GALC: variants seen among roughly 807,000 people sequenced by gnomAD.
The protein encoded by GALC is galactosylceramidase.
In GALC, 77 loss-of-function variants were observed where a neutral mutation model predicts 91.8. The ratio of observed to expected loss-of-function variants is 0.84; its 90% CI spans 0.70 to 1.01. The LOEUF (loss-of-function observed/expected upper bound fraction) is 1.01. Ranked by LOEUF, GALC falls within the 50% of genes least tolerant of loss-of-function variation. The probability of loss-of-function intolerance (pLI) is 0.00; values close to 1 mark genes in which losing one functional copy is unlikely to be tolerated. For missense variants in GALC, 882 were observed against 855.9 expected (o/e 1.03, Z -0.38); for synonymous variants, 357 against 306.7 (o/e 1.16, Z -1.71).
At chr14:87,985,707 T>A (rs999570510) in intron 4 of GALC, among the ~76,000 whole-genome samples, 1 of 152,252 alleles carries the variant, frequency 6.6e-6, no homozygotes, top group Non-Finnish European at 1.5e-5. Flanking sequence ...TAATTTCATT[T>A]AACTTAGTTT....
At chr14:87,938,078 A>G (rs996491940) in intron 16 of GALC, among the ~76,000 whole-genome samples, 2 of 152,002 alleles carry the variant, frequency 1.3e-5, no homozygotes, top group African/African-American at 4.8e-5. Context: ...AAAAGAAACA[A>G]TGAGGAAGTT....
intron 10 of GALC, among the ~76,000 whole-genome samples, chr14:87,958,893 A>G (rs1002517719): frequency 1.3e-5 from 2 of 151,976 alleles, no homozygotes; most frequent in African/African-American, 4.8e-5. Context: ...ATAAAACTAG[A>G]AAAAAAACAA....
chr14:87,940,272 G>C (rs1398738953), intron 15 of GALC, among the ~76,000 whole-genome samples: 1 of 151,930 alleles, frequency 6.6e-6, no homozygotes, highest in East Asian at 1.9e-4. Context: ...TGAGGTGTTA[G>C]CATCTGTAGT....
At chr14:87,988,355 T>A in intron 2 of GALC, 100 bp downstream of exon 2, 1 of 1,280,516 alleles carries the variant, frequency 7.8e-7, no homozygotes, top group Non-Finnish European at 1.1e-6. Flanking sequence ...TGCCATTTTT[T>A]CAAAAACTAG....
Position 87,988,210 on chromosome 14 carries a change from G to A in GALC, c.265-3C>T. ...TGCAAAGAGGCACCAAAATTCGGCT[G>A]TGAAAAGAAGTAACAGTATTAACAT... On this transcript the variant is annotated splice_polypyrimidine_tract_variant and splice_region_variant and intron_variant, in intron 2 of 16. Coordinates refer to ENST00000261304, the MANE Select transcript of GALC (RefSeq NM_000153.4). 1.2e-6 allele frequency: 2 copies of A among 1,612,360 alleles called. No homozygotes were observed. Among genetic ancestry groups the A allele is most frequent in the Non-Finnish European group, 1.7e-6 (2 of 1,178,698 alleles).
In GALC at chr14:87,965,371, C is replaced by A. The variant is rs111872618; in HGVS notation, c.1033+134G>T. Reference sequence around the variant, plus strand: ...CCAAAATATTCTTATAAAACACTGGCAAATCTTGCTTAAAACTTAAATCTA... The same window carrying A: ...CCAAAATATTCTTATAAAACACTGGAAAATCTTGCTTAAAACTTAAATCTA... On this transcript the variant is annotated intron_variant, in intron 9 of 16. Transcript: ENST00000261304. The A allele has an allele frequency of 7.7e-4, 729 of 949,644 alleles. 1 individual carries two copies. The African/African-American group carries it at 0.011, about 14-fold the overall frequency. The allele number at this position is 949,644 out of a possible 1,614,324, so 58.8% of individuals were successfully genotyped here.
chr14:87,950,659 A>G lies in GALC; in HGVS notation c.1251T>C (p.Phe417=), dbSNP rs200605515. 1.2e-5 allele frequency: 18 copies of G among 1,564,612 alleles called. No individual in the cohort carries two copies. Among genetic ancestry groups the G allele is most frequent in the Non-Finnish European group, 1.5e-5 (17 of 1,136,144 alleles). The change falls in exon 11 of 17, where the codon TTT becomes TTC. Residue 417 remains phenylalanine, a splice_region_variant and synonymous_variant. Coordinates refer to ENST00000261304, the MANE Select transcript of GALC (RefSeq NM_000153.4). ...QFATFVLKGS[F]SEIPELQVWY... The stretch of plus-strand genomic sequence containing the variant: ...AATAAAGTTAAACATATTTACTTAC[A>G]AAAGATCCCTTAAGAACAAAGGTGG...
chr14:87,970,713 A>C (rs1372963619), intron 7 of GALC, among the ~76,000 whole-genome samples: 9 of 151,054 alleles, frequency 6.0e-5, no homozygotes, highest in Admixed American at 4.0e-4. Flanking sequence ...ACAAAAAAAA[A>C]AAAAAATTAG....
Position 87,979,734 on chromosome 14 carries a change from C to G in GALC, c.621+2471G>C, listed in dbSNP as rs539382565. ...AAATAAAACTTAAGCTTTGAAATGT[C>G]AAATTTGGGTATTTAAAAAGTTCAT... On this transcript the variant is annotated intron_variant, in intron 6 of 16. Coordinates refer to ENST00000261304, the MANE Select transcript of GALC (RefSeq NM_000153.4). 7.9e-5 allele frequency among the ~76,000 whole-genome samples: 12 copies of G among 152,268 alleles called. No individual in the cohort carries two copies. In the South Asian group the frequency reaches 2.3e-3, roughly 29 times the overall value.
chr14:87,985,184 G>C (rs1886918426), intron 4 of GALC, among the ~76,000 whole-genome samples: 1 of 151,896 alleles, frequency 6.6e-6, no homozygotes, highest in African/African-American at 2.4e-5. Flanking sequence ...GAGTAGAAAA[G>C]TACTTATTAT....
chr14:87,984,135 C>CCA (rs1886865606), intron 5 of GALC, among the ~76,000 whole-genome samples: 2 of 116,274 alleles, frequency 1.7e-5, no homozygotes, highest in South Asian at 5.3e-4. Flanking sequence ...TGGGTTGATA[C>CCA]AAAAAAAAAA....
chr14:87,953,237 G>C, intron 10 of GALC: 1 of 1,505,656 alleles, frequency 6.6e-7, no homozygotes, highest in Non-Finnish European at 9.2e-7. Context: ...ATTACCTCCA[G>C]CCAGGTTGCT....
chr14:87,980,823 A>G (rs1428664600), intron 6 of GALC, among the ~76,000 whole-genome samples: 1 of 152,230 alleles, frequency 6.6e-6, no homozygotes, highest in Admixed American at 6.5e-5. Context: ...CATACACACA[A>G]TGCCTGACAA....
At chr14:87,963,192 T>C in intron 10 of GALC, 192 bp downstream of exon 10, 1 of 564,354 alleles carries the variant, frequency 1.8e-6, no homozygotes, top group Admixed American at 2.9e-5. Context: ...GCCAACTATT[T>C]TGTACAAATC....
chr14:87,969,697 ATGAT>A (rs1400412454), intron 7 of GALC, among the ~76,000 whole-genome samples: 1 of 152,190 alleles, frequency 6.6e-6, no homozygotes, highest in Non-Finnish European at 1.5e-5. Flanking sequence ...CATCAAAAGA[ATGAT>A]TGTGAATACT....
In GALC at chr14:87,945,676, T is replaced by C; in HGVS notation, c.1547A>G (p.Tyr516Cys). 1 of 1,612,290 alleles carries C rather than the reference T, an allele frequency of 6.2e-7. No individual in the cohort carries two copies. Among genetic ancestry groups the C allele is most frequent in the South Asian group, 1.1e-5 (1 of 91,052 alleles). ...GCCAGGGTCTTCAATATTTGTAAAA[T>C]ATTCAAATACACCAGTTTGATCAGC... ...NFADQTGVFE[Y>C]FTNIEDPGEH... The change falls in exon 14 of 17, where the codon TAT becomes TGT. Residue 516 changes from tyrosine (Y) to cysteine (C), a missense_variant. Transcript: ENST00000261304.
upstream of GALC, chr14:87,993,204 C>A: frequency 1.3e-6 from 2 of 1,553,656 alleles, no homozygotes; most frequent in South Asian, 1.2e-5. Flanking sequence ...GGAGGCGGGT[C>A]CCGTCGCCGC....
At chr14:87,985,786 T>C (rs768617125) in intron 4 of GALC, among the ~76,000 whole-genome samples, 8 of 152,210 alleles carry the variant, frequency 5.3e-5, no homozygotes, top group South Asian at 4.1e-4. Flanking sequence ...CTCTTGATGT[T>C]TGAAATACTT....
chr14:87,992,857 G>C, intron 1 of GALC, 113 bp downstream of exon 1: 1 of 1,397,044 alleles, frequency 7.2e-7, no homozygotes, highest in Non-Finnish European at 9.2e-7. Flanking sequence ...AGGGGAATGC[G>C]GCGGAGAGTG....
Sources: allele counts gnomAD v4.1 joint callset (sites outside exome capture counted in the v4.1 genomes callset), GRCh38; gene constraint gnomAD v4.1.1; transcripts MANE v1.5; gene names NCBI Gene and HGNC (gene_info 2026-07-23, HGNC 2026-07-21).